The following ARID1B variants were observed in gnomAD, a reference collection of about 807,000 sequenced individuals.
ARID1B encodes the protein AT-rich interaction domain 1B.
Under a neutral mutation model 212.3 loss-of-function variants are expected in ARID1B, and 30 were observed. That is an observed-to-expected ratio of 0.14 (90% confidence interval 0.11 to 0.19). The LOEUF is 0.19. Ranked by LOEUF, ARID1B falls within the 10% of genes least tolerant of loss-of-function variation. The pLI, the probability that ARID1B is intolerant of heterozygous loss-of-function variation, is 1.00. For synonymous variants in ARID1B, 1,402 were observed against 1,301.7 expected (o/e 1.08, Z -1.66); for missense variants, 2,891 against 3,204.0 (o/e 0.90, Z 2.36).
intron 5 of ARID1B, among the ~76,000 whole-genome samples, chr6:157,107,558 A>G (rs1215998420): frequency 2.0e-5 from 3 of 152,224 alleles, no homozygotes; most frequent in African/African-American, 4.8e-5. Context: ...CTGCACCTAA[A>G]TTGTGCACGT....
intron 12 of ARID1B, 87 bp from the exon 13 acceptor site, chr6:157,184,144 A>G: frequency 2.4e-6 from 3 of 1,245,172 alleles, no homozygotes; most frequent in Non-Finnish European, 3.4e-6. Flanking sequence ...AGAAAAGTCA[A>G]CCAAGACATT....
chr6:157,180,459 A>G (rs1792431844), intron 11 of ARID1B, among the ~76,000 whole-genome samples: 1 of 152,054 alleles, frequency 6.6e-6, no homozygotes, highest in Non-Finnish European at 1.5e-5. Context: ...TATATTTTTC[A>G]GCAAGCACCG....
intron 4 of ARID1B, among the ~76,000 whole-genome samples, chr6:156,963,622 A>C (rs1175862861): frequency 1.3e-5 from 2 of 152,234 alleles, no homozygotes; most frequent in Non-Finnish European, 2.9e-5. Context: ...AATGATACTT[A>C]AGCGTTTAAA....
intron 15 of ARID1B, among the ~76,000 whole-genome samples, chr6:157,192,268 G>A (rs895293705): frequency 5.9e-5 from 9 of 152,286 alleles, no homozygotes; most frequent in Admixed American, 3.3e-4. Context: ...ATAATTAGTA[G>A]TATTTAGAAT....
rs537429363 is a variant in ARID1B at position 156,948,659 on chromosome 6, T to A, written c.2247+13083T>A. Among the ~76,000 whole-genome samples, 5 of 152,224 alleles carry A rather than the reference T, an allele frequency of 3.3e-5. No homozygotes were observed. The South Asian group carries it at 6.2e-4, about 19-fold the overall frequency. ...TCAATGATGCAGAAAAATTCAGTTATGTTTAGTAATCATTTATTGTGTCTA... is the reference window on the plus strand; with the variant it reads ...TCAATGATGCAGAAAAATTCAGTTAAGTTTAGTAATCATTTATTGTGTCTA... On this transcript the variant is annotated intron_variant, in intron 4 of 19. Transcript: ENST00000636930.
At chr6:157,027,406 C>T (rs749914654) in intron 4 of ARID1B, among the ~76,000 whole-genome samples, 8 of 152,156 alleles carry the variant, frequency 5.3e-5, no homozygotes, top group Non-Finnish European at 8.8e-5. Context: ...TGTCTTTGGT[C>T]GTAACCACTA....
At chr6:156,866,675 G>A (rs375610175) in intron 2 of ARID1B, among the ~76,000 whole-genome samples, 31 of 152,204 alleles carry the variant, frequency 2.0e-4, no homozygotes, top group African/African-American at 5.8e-4. Context: ...GTTTGGTTTC[G>A]TTTACATTTG....
At chr6:157,191,026 G>T (rs1032957485) in intron 15 of ARID1B, among the ~76,000 whole-genome samples, 1 of 152,142 alleles carries the variant, frequency 6.6e-6, no homozygotes, top group African/African-American at 2.4e-5. Context: ...AAGCCTTTCG[G>T]TGTCTGTGGG....
chr6:156,877,652 C>T (rs952267399), intron 2 of ARID1B, among the ~76,000 whole-genome samples: 5 of 151,898 alleles, frequency 3.3e-5, no homozygotes, highest in African/African-American at 1.2e-4. Flanking sequence ...GAGCTGCCGG[C>T]CTCTGAAAGT....
At chr6:156,875,241 A>G (rs971519238) in intron 2 of ARID1B, among the ~76,000 whole-genome samples, 4 of 152,338 alleles carry the variant, frequency 2.6e-5, no homozygotes, top group African/African-American at 7.2e-5. Context: ...TATGGAAGGA[A>G]AGTCATTCTT....
Position 156,777,968 on chromosome 6 carries a change from C to A in ARID1B, c.288C>A (p.Thr96=). ...CGGGCGCCGCGGCCGCCGCCGGCACCCACAGCGCCAAGAGCGGCGGCTCCG... is the reference window on the plus strand; with the variant it reads ...CGGGCGCCGCGGCCGCCGCCGGCACACACAGCGCCAAGAGCGGCGGCTCCG... ...HNAGAAAAAG[T]HSAKSGGSEA... Residue 96 remains threonine, a synonymous_variant, in exon 1 of 20, where the codon ACC becomes ACA. Coordinates refer to ENST00000636930, the MANE Select transcript of ARID1B (RefSeq NM_001374828.1). 2 of 1,530,936 alleles carry A rather than the reference C, an allele frequency of 1.3e-6. No individual in the cohort carries two copies. Among genetic ancestry groups the A allele is most frequent in the Non-Finnish European group, 8.7e-7 (1 of 1,144,942 alleles). 94.8% of individuals were successfully genotyped at this position (1,530,936 alleles called of 1,614,324 possible).
intron 4 of ARID1B, among the ~76,000 whole-genome samples, chr6:156,990,156 A>G (rs1778184657): frequency 6.7e-6 from 1 of 149,872 alleles, no homozygotes; most frequent in Admixed American, 6.7e-5. Context: ...GACTGGTTAC[A>G]GAACAGATTT....
intron 1 of ARID1B, among the ~76,000 whole-genome samples, chr6:156,799,624 G>T (rs752612718): frequency 6.6e-6 from 1 of 152,102 alleles, no homozygotes; most frequent in Non-Finnish European, 1.5e-5. Context: ...TTACAGATGT[G>T]CACCACCATG....
At chr6:156,898,761 C>G (rs975487338) in intron 2 of ARID1B, among the ~76,000 whole-genome samples, 1 of 152,120 alleles carries the variant, frequency 6.6e-6, no homozygotes, top group East Asian at 1.9e-4. Flanking sequence ...CACCTGAGGT[C>G]GGGAGTTTGA....
intron 19 of ARID1B, 60 bp downstream of exon 19, chr6:157,204,056 C>A: frequency 6.2e-7 from 1 of 1,601,348 alleles, no homozygotes; most frequent in Non-Finnish European, 8.5e-7. Context: ...AGGCCATGCA[C>A]ATTTGTGCTT....
At chr6:157,039,873 T>C (rs1781736774) in intron 4 of ARID1B, among the ~76,000 whole-genome samples, 4 of 92,856 alleles carry the variant, frequency 4.3e-5, no homozygotes, top group South Asian at 3.2e-4. Context: ...TCTCTTTCTC[T>C]TTCTTTTCTC....
intron 3 of ARID1B, among the ~76,000 whole-genome samples, chr6:156,907,760 TAGCC>T (rs1286203972): frequency 1.3e-5 from 2 of 150,286 alleles, no homozygotes; most frequent in East Asian, 3.9e-4. Context: ...AAAAAAAAAT[TAGCC>T]AGGCATGTTG....
chr6:157,084,571 G>A (rs2128461449), intron 4 of ARID1B, 91 bp from the exon 5 acceptor site: 1 of 1,490,698 alleles, frequency 6.7e-7, no homozygotes. Context: ...CTTCATCTCT[G>A]AAGGGGACGT....
chr6:156,988,942 C>T (rs983496943), intron 4 of ARID1B, among the ~76,000 whole-genome samples: 6 of 152,170 alleles, frequency 3.9e-5, no homozygotes, highest in Admixed American at 1.3e-4. Flanking sequence ...AATAATTTCT[C>T]ATTTTTTGCC....
Sources: gnomAD v4.1 joint callset for allele counts (sites outside exome capture counted in the v4.1 genomes callset) on GRCh38, gnomAD v4.1.1 for gene constraint, MANE v1.5 for transcripts, NCBI Gene and HGNC (gene_info 2026-07-23, HGNC 2026-07-21) for gene names.